ST7: variants seen among roughly 807,000 people sequenced by gnomAD.
ST7 encodes suppression of tumorigenicity 7, also known as suppressor of tumorigenicity 7 protein.
In ST7, 28 loss-of-function variants were observed where a neutral mutation model predicts 78.7. The ratio of observed to expected loss-of-function variants is 0.36; its 90% CI spans 0.26 to 0.49. The LOEUF is 0.49. ST7 is among the 20% of genes least tolerant of loss of function. The pLI is 0.99. For missense variants in ST7, 418 were observed against 696.0 expected, an observed-to-expected ratio of 0.60 and a Z score of 4.49; for synonymous variants, 247 against 249.6, an observed-to-expected ratio of 0.99 and a Z score of 0.10.
intron 12 of ST7, among the ~76,000 whole-genome samples, chr7:117,204,661 T>C (rs946245242): frequency 6.6e-6 from 1 of 152,192 alleles, no homozygotes; most frequent in African/African-American, 2.4e-5. Flanking sequence ...CTCTCCCAAA[T>C]AGCACTAGCT....
intron 1 of ST7, chr7:116,954,817 A>G: frequency 3.6e-6 from 1 of 279,488 alleles, no homozygotes. Context: ...AAGTCTGGAA[A>G]TGCATTTTCC....
At chr7:117,101,135 C>G (rs1410135095) in intron 2 of ST7, among the ~76,000 whole-genome samples, 1 of 152,108 alleles carries the variant, frequency 6.6e-6, no homozygotes, top group Non-Finnish European at 1.5e-5. Context: ...TGGGGAGGAT[C>G]TTTTTGTGTG....
At chr7:117,189,068 A>G (rs1313625834) in intron 10 of ST7, among the ~76,000 whole-genome samples, 2 of 152,212 alleles carry the variant, frequency 1.3e-5, no homozygotes, top group South Asian at 2.1e-4. Flanking sequence ...TTCATATTTT[A>G]AAATAGAAGG....
intron 12 of ST7, among the ~76,000 whole-genome samples, chr7:117,207,206 G>A (rs1036128260): frequency 2.6e-5 from 4 of 150,976 alleles, no homozygotes; most frequent in Admixed American, 6.6e-5. Flanking sequence ...GTGCAGTGGC[G>A]CTATCTTGGC....
At chr7:117,152,077 C>A (rs1226558187) in intron 9 of ST7, among the ~76,000 whole-genome samples, 2 of 148,896 alleles carry the variant, frequency 1.3e-5, no homozygotes, top group Non-Finnish European at 3.0e-5. Flanking sequence ...CGAGATCATG[C>A]CATTGCACTC....
At chr7:117,022,536 C>G (rs904892992) in intron 1 of ST7, among the ~76,000 whole-genome samples, 3 of 152,156 alleles carry the variant, frequency 2.0e-5, no homozygotes, top group African/African-American at 7.2e-5. Flanking sequence ...CCTTTGATGT[C>G]AACCTTTTGG....
At chr7:117,222,187 C>A in intron 15 of ST7, 125 bp downstream of exon 15, 1 of 1,101,804 alleles carries the variant, frequency 9.1e-7, no homozygotes, top group Non-Finnish European at 1.2e-6. Context: ...TCATTGCTCA[C>A]CATTTAATTT....
chr7:117,202,364 A>T (rs1810953147), intron 12 of ST7, among the ~76,000 whole-genome samples: 1 of 151,912 alleles, frequency 6.6e-6, no homozygotes, highest in South Asian at 2.1e-4. Flanking sequence ...TAAGCTCCAG[A>T]CCTGAAGACC....
At chr7:117,159,611 G>A (rs1184806551) in intron 9 of ST7, among the ~76,000 whole-genome samples, 1 of 152,150 alleles carries the variant, frequency 6.6e-6, no homozygotes, top group African/African-American at 2.4e-5. Flanking sequence ...AGCTTGATAT[G>A]GGGACTGTGG....
chr7:116,956,405 A>G (rs375783776), intron 1 of ST7: 1 of 461,422 alleles, frequency 2.2e-6, no homozygotes, highest in Admixed American at 2.4e-5. Flanking sequence ...TAACGGGACT[A>G]ACTTTGCTGT....
chr7:117,207,384 C>T (rs1276425545), intron 12 of ST7, among the ~76,000 whole-genome samples: 1 of 152,096 alleles, frequency 6.6e-6, no homozygotes, highest in East Asian at 1.9e-4. Context: ...CCTCGTGATC[C>T]ACCCGCCACG....
chr7:117,150,545 T>TCTCCATCTG (rs1806163532), intron 9 of ST7, among the ~76,000 whole-genome samples: 1 of 152,176 alleles, frequency 6.6e-6, no homozygotes. Context: ...CTCTTCTGCC[T>TCTCCATCTG]CTCCATCTGC....
intron 1 of ST7, among the ~76,000 whole-genome samples, chr7:116,970,321 T>A (rs1333436219): frequency 1.3e-5 from 2 of 152,176 alleles, no homozygotes; most frequent in African/African-American, 4.8e-5. Flanking sequence ...TTGGGCTAAT[T>A]GTTACATAAG....
intron 15 of ST7, among the ~76,000 whole-genome samples, chr7:117,228,970 TG>T (rs1247410294): frequency 1.3e-5 from 2 of 152,220 alleles, no homozygotes. Flanking sequence ...TGCCAGATGC[TG>T]GATGGGGTGT....
chr7:117,107,585 C>CATGTCCTTA (rs1184173589), intron 2 of ST7, among the ~76,000 whole-genome samples: 1 of 137,170 alleles, frequency 7.3e-6, no homozygotes, highest in Non-Finnish European at 1.6e-5. Context: ...ATCTATTATT[C>CATGTCCTTA]ATGTCCTTAG....
At chr7:117,067,920 C>T (rs1798725342) in intron 1 of ST7, among the ~76,000 whole-genome samples, 1 of 152,184 alleles carries the variant, frequency 6.6e-6, no homozygotes, top group African/African-American at 2.4e-5. Context: ...ATGGTGTTGG[C>T]TGAGCTGGGA....
intron 9 of ST7, among the ~76,000 whole-genome samples, chr7:117,165,525 C>T (rs1016076890): frequency 5.9e-5 from 9 of 152,252 alleles, no homozygotes; most frequent in African/African-American, 1.9e-4. Context: ...TATTATAATA[C>T]GTACTCCAAA....
At chr7:117,061,194 A>G (rs1020419548) in intron 1 of ST7, among the ~76,000 whole-genome samples, 15 of 152,190 alleles carry the variant, frequency 9.9e-5, no homozygotes, top group African/African-American at 3.4e-4. Context: ...TTTAAAGACA[A>G]TTAAAAGGAG....
At chr7:117,097,892 A>ATGACATATCAC (rs1563078748) in intron 1 of ST7, among the ~76,000 whole-genome samples, 373 of 20,576 alleles carry the variant, frequency 0.018, 6 homozygotes, top group African/African-American at 0.074. Flanking sequence ...ATATATATAT[A>ATGACATATCAC]TATATATATA....
Sources: allele counts gnomAD v4.1 joint callset (sites outside exome capture counted in the v4.1 genomes callset), GRCh38; gene constraint gnomAD v4.1.1; transcripts MANE v1.5; gene names NCBI Gene and HGNC (gene_info 2026-07-23, HGNC 2026-07-21).